Variants in PPP4R3A observed in about 807,000 individuals in gnomAD.
PPP4R3A encodes the protein serine/threonine-protein phosphatase 4 regulatory subunit 3A.
PPP4R3A carries 15 observed loss-of-function variants against 91.7 expected under a neutral mutation model. The ratio of observed to expected loss-of-function variants is 0.16; its 90% CI spans 0.11 to 0.25. PPP4R3A has a LOEUF of 0.25. Among genes scored for constraint, PPP4R3A ranks in the 10% least tolerant of loss-of-function variants. The pLI, the probability that PPP4R3A is intolerant of heterozygous loss-of-function variation, is 1.00. For synonymous variants in PPP4R3A, 377 were observed against 348.7 expected, an observed-to-expected ratio of 1.08 and a Z score of -0.91; for missense variants, 623 against 998.4, an observed-to-expected ratio of 0.62 and a Z score of 5.07.
At position 91,458,478 on chromosome 14, in the gene PPP4R3A, C is replaced by G. The variant is rs1887906894; in HGVS notation, c.*281G>C. The G allele has an allele frequency of 2.1e-6, 1 of 472,394 alleles. No homozygotes were observed. The highest frequency in any genetic ancestry group is 6.2e-4 in the Middle Eastern group (1 of 1,620). 29.3% of individuals were successfully genotyped at this position (472,394 alleles called of 1,614,324 possible). On this transcript the variant is annotated 3_prime_UTR_variant, in exon 15 of 15. Transcript: ENST00000554943. Reference sequence around the variant, plus strand: ...AATCCAGAGTTCCACTTACAAAACCCCTGCCCTGTTGGCTTTTTGTTTCCA... The same window carrying G: ...AATCCAGAGTTCCACTTACAAAACCGCTGCCCTGTTGGCTTTTTGTTTCCA...
At position 91,500,915 on chromosome 14, in the gene PPP4R3A, C is replaced by G. The variant is rs550325980; in HGVS notation, c.142+8591G>C. Among the ~76,000 whole-genome samples the G allele has an allele frequency of 3.3e-5, 5 of 152,186 alleles. No individual in the cohort carries two copies. The South Asian group carries it at 1.0e-3, about 32-fold the overall frequency. Reference sequence around the variant, plus strand: ...GACATGGTGGTATGTGCCTGTAGTACCAGCTACTTGGGAAGCTGAGGCAGG... The same window carrying G: ...GACATGGTGGTATGTGCCTGTAGTAGCAGCTACTTGGGAAGCTGAGGCAGG... On this transcript the variant is annotated intron_variant, in intron 1 of 14. Transcript: ENST00000554943.
chr14:91,497,341 TACACACACACACACACACACAC>T (rs10542688), intron 1 of PPP4R3A, among the ~76,000 whole-genome samples: 3 of 148,408 alleles, frequency 2.0e-5, no homozygotes, highest in African/African-American at 5.0e-5. Flanking sequence ...ATCTTTTATT[TACACACACACACACACACACAC>T]ACACACACAC....
chr14:91,496,127 A>C (rs1803243126), intron 1 of PPP4R3A, among the ~76,000 whole-genome samples: 1 of 152,198 alleles, frequency 6.6e-6, no homozygotes, highest in African/African-American at 2.4e-5. Context: ...GGCAAAATTA[A>C]CCTATCATTA....
intron 1 of PPP4R3A, among the ~76,000 whole-genome samples, chr14:91,491,507 A>C (rs1890232107): frequency 6.6e-6 from 1 of 152,088 alleles, no homozygotes; most frequent in African/African-American, 2.4e-5. Context: ...TCCCAAGTTC[A>C]AGCGATTCTC....
chr14:91,486,920 A>T (rs118112214), intron 2 of PPP4R3A, among the ~76,000 whole-genome samples: 22 of 147,264 alleles, frequency 1.5e-4, no homozygotes, highest in African/African-American at 2.0e-4. Flanking sequence ...AAAAAAAAAA[A>T]AAAATAGAGA....
intron 3 of PPP4R3A, among the ~76,000 whole-genome samples, chr14:91,484,406 C>T (rs758908635): frequency 1.3e-5 from 2 of 152,170 alleles, no homozygotes; most frequent in African/African-American, 2.4e-5. Flanking sequence ...TGGTCTGCCA[C>T]CTGTTTTTGT....
intron 10 of PPP4R3A, among the ~76,000 whole-genome samples, 170 bp downstream of exon 10, chr14:91,470,667 G>A (rs547678249): frequency 9.8e-5 from 15 of 152,292 alleles, no homozygotes; most frequent in African/African-American, 3.6e-4. Flanking sequence ...TAAGAAGAGA[G>A]TCAAGAAAAA....
chr14:91,492,124 C>T (rs538501641), intron 1 of PPP4R3A, among the ~76,000 whole-genome samples: 2 of 152,314 alleles, frequency 1.3e-5, no homozygotes, highest in South Asian at 2.1e-4. Context: ...TTAAACAACA[C>T]AGTGTGAAGT....
chr14:91,503,591 G>A (rs1269623824), intron 1 of PPP4R3A, among the ~76,000 whole-genome samples: 2 of 152,198 alleles, frequency 1.3e-5, no homozygotes, highest in African/African-American at 4.8e-5. Context: ...GGGAGAGAGA[G>A]TATCAGGAAG....
chr14:91,504,171 A>G (rs201921863), intron 1 of PPP4R3A, among the ~76,000 whole-genome samples: 4 of 40,078 alleles, frequency 1.0e-4, no homozygotes, highest in African/African-American at 2.1e-4. Flanking sequence ...TAAAAAAAAG[A>G]AAAAAAAAAT....
chr14:91,471,027 T>C (rs1888799291), intron 9 of PPP4R3A, 32 bp from the exon 10 acceptor site: 1 of 1,546,996 alleles, frequency 6.5e-7, no homozygotes, highest in Non-Finnish European at 8.7e-7. Flanking sequence ...TAATTATATT[T>C]AATGACTAAC....
At chr14:91,494,254 G>A (rs762839415) in intron 1 of PPP4R3A, among the ~76,000 whole-genome samples, 2 of 152,114 alleles carry the variant, frequency 1.3e-5, no homozygotes, top group Non-Finnish European at 2.9e-5. Context: ...ACTAGGAAAC[G>A]CTTCTCTAAA....
intron 14 of PPP4R3A, among the ~76,000 whole-genome samples, chr14:91,459,993 C>T (rs905792399): frequency 1.3e-5 from 2 of 152,050 alleles, no homozygotes; most frequent in South Asian, 4.2e-4. Flanking sequence ...CCTGCTCCTT[C>T]ACCAGAAACC....
chr14:91,493,664 CAACT>C lies in PPP4R3A; in HGVS notation c.143-2866_143-2863del, dbSNP rs1438957953. Reference sequence around the variant, plus strand: ...AATTTAAAAAAGGTATAAAAATCTCCAACTATCTTTGTAGTCTTTCATTATTTTA... The same window carrying C: ...AATTTAAAAAAGGTATAAAAATCTCCATCTTTGTAGTCTTTCATTATTTTA... On this transcript the variant is annotated intron_variant, in intron 1 of 14. Transcript: ENST00000554943. 4.6e-5 allele frequency among the ~76,000 whole-genome samples: 7 copies of C among 150,720 alleles called. No homozygotes were observed. In the South Asian group the frequency reaches 1.5e-3, roughly 31 times the overall value.
At chr14:91,488,910 T>C (rs796895753) in intron 2 of PPP4R3A, among the ~76,000 whole-genome samples, 1 of 145,878 alleles carries the variant, frequency 6.9e-6, no homozygotes, top group African/African-American at 2.6e-5. Flanking sequence ...GATACCACTT[T>C]TTTTTTTTTT....
At chr14:91,499,854 C>G (rs991689215) in intron 1 of PPP4R3A, among the ~76,000 whole-genome samples, 1 of 149,576 alleles carries the variant, frequency 6.7e-6, no homozygotes, top group African/African-American at 2.5e-5. Flanking sequence ...TCCCTCCCTG[C>G]TTCATATCTT....
At chr14:91,470,718 G>T in intron 10 of PPP4R3A, 119 bp downstream of exon 10, 1 of 1,112,418 alleles carries the variant, frequency 9.0e-7, no homozygotes, top group Non-Finnish European at 1.3e-6. Flanking sequence ...CAGTGGCAGA[G>T]CTAGTATTAC....
chr14:91,467,566 CTTTT>C (rs999055249), intron 10 of PPP4R3A, among the ~76,000 whole-genome samples: 3 of 137,768 alleles, frequency 2.2e-5, no homozygotes, highest in Non-Finnish European at 3.1e-5. Context: ...TATTTCACTC[CTTTT>C]TAAGATTTCC....
chr14:91,481,664 G>T lies in PPP4R3A; in HGVS notation c.827C>A (p.Pro276Gln). The change falls in exon 4 of 15, where the codon CCA (proline) becomes CAA (glutamine). Residue 276 changes from proline (P) to glutamine (Q), a missense_variant. Coordinates refer to ENST00000554943, the MANE Select transcript of PPP4R3A (RefSeq NM_001366432.2). ...RVQYIQDMVL[P>Q]TPSVFEENML... ...GTTTTCTTCAAAGACCGAAGGAGTT[G>T]GTAGAACCATATCTTGTATATACTG... is the stretch of plus-strand genomic sequence containing the variant. The T allele has an allele frequency of 6.2e-7, 1 of 1,612,532 alleles. No individual in the cohort carries two copies. The highest frequency in any genetic ancestry group is 8.5e-7 in the Non-Finnish European group (1 of 1,179,670).
Sources: gnomAD v4.1 joint callset for allele counts (sites outside exome capture counted in the v4.1 genomes callset) on GRCh38, gnomAD v4.1.1 for gene constraint, MANE v1.5 for transcripts, NCBI Gene and HGNC (gene_info 2026-07-23, HGNC 2026-07-21) for gene names.